PPP1R37: variants seen among roughly 807,000 people sequenced by gnomAD.
The protein encoded by PPP1R37 is leucine rich repeat containing 68.
Under a neutral mutation model 61.0 loss-of-function variants are expected in PPP1R37, and 21 were observed. The observed-to-expected ratio is 0.34, with a 90% CI of 0.24 to 0.50. The LOEUF (loss-of-function observed/expected upper bound fraction) is 0.50. PPP1R37 is among the 20% of genes least tolerant of loss of function. The probability of loss-of-function intolerance (pLI) is 0.98; values close to 1 mark genes in which losing one functional copy is unlikely to be tolerated. For synonymous variants in PPP1R37, 443 were observed against 433.5 expected (o/e 1.02, Z -0.27); for missense variants, 910 against 952.7 (o/e 0.96, Z 0.59).
In PPP1R37 at chr19:45,130,244, C is replaced by T. The variant is rs924649306; in HGVS notation, c.203-8270C>T. Among the ~76,000 whole-genome samples the T allele has an allele frequency of 2.8e-4, 42 of 152,152 alleles. No homozygotes were observed. The highest frequency in any genetic ancestry group is 5.6e-4 in the Non-Finnish European group (38 of 68,002). On this transcript the variant is annotated intron_variant, in intron 1 of 12. Transcript: ENST00000221462. This position sits in a 1 kb window ranked among gnomAD's most constrained non-coding sequence, Gnocchi z 4.4. ...CTGCCAACCTGCACGATCAGGTCCC[C>T]TCCCCGTGAGTACTACAGGGGACCC...
At chr19:45,120,420 G>A (rs766539504) in intron 1 of PPP1R37, among the ~76,000 whole-genome samples, 12 of 152,116 alleles carry the variant, frequency 7.9e-5, no homozygotes, top group South Asian at 4.1e-4. Flanking sequence ...CTAAGAGAGC[G>A]CACACTCATT....
chr19:45,128,945 G>A (rs1170263513), intron 1 of PPP1R37: 4 of 749,304 alleles, frequency 5.3e-6, no homozygotes, highest in Non-Finnish European at 9.4e-6. Flanking sequence ...ATGAGCAAAA[G>A]TACCGCTGTG....
rs541454593 is a variant in PPP1R37, at chr19:45,116,728, C to T, written c.203-21786C>T. 5.3e-5 allele frequency among the ~76,000 whole-genome samples: 8 copies of T among 152,280 alleles called. No homozygotes were observed. The East Asian group carries it at 1.5e-3, about 29-fold the overall frequency. On this transcript the variant is annotated intron_variant, in intron 1 of 12. Coordinates refer to ENST00000221462, the MANE Select transcript of PPP1R37 (RefSeq NM_019121.2). The stretch of plus-strand genomic sequence containing the variant: ...TCATTCATAGACTCACAGCGACAGA[C>T]ACCACAGTGACGTCCCTAGACTCAG...
chr19:45,101,580 T>C (rs1476376576), intron 1 of PPP1R37, among the ~76,000 whole-genome samples: 1 of 152,202 alleles, frequency 6.6e-6, no homozygotes, highest in Non-Finnish European at 1.5e-5. Flanking sequence ...CAGCCGGGCA[T>C]GGTGGCATGT....
At chr19:45,114,435 A>T (rs1226399336) in intron 1 of PPP1R37, among the ~76,000 whole-genome samples, 1 of 151,914 alleles carries the variant, frequency 6.6e-6, no homozygotes. Context: ...GAACAGGACC[A>T]CCCAGTCCAG....
chr19:45,144,524 C>G, intron 8 of PPP1R37: 1 of 341,404 alleles, frequency 2.9e-6, no homozygotes, highest in South Asian at 6.3e-5. Context: ...GTGCTCAAAC[C>G]CCGGGATAAG....
chr19:45,098,451 C>A (rs182361535), intron 1 of PPP1R37, among the ~76,000 whole-genome samples: 2 of 152,342 alleles, frequency 1.3e-5, no homozygotes, highest in African/African-American at 4.8e-5. Context: ...GGAGACTCAT[C>A]TCCCCTCCTC....
At position 45,121,536 on chromosome 19, in the gene PPP1R37, A is replaced by G. The variant is rs1968342313; in HGVS notation, c.203-16978A>G. On this transcript the variant is annotated intron_variant, in intron 1 of 12. Transcript: ENST00000221462. The surrounding 1 kb of genome is among the most constrained non-coding windows in gnomAD (Gnocchi z 4.2). ...TCCCCAAATACAGGAAGAAGGTTAG[A>G]GGCAGGAAGAGCCTTTTCTACCCAG... 6.6e-6 allele frequency among the ~76,000 whole-genome samples: 1 copy of G among 152,232 alleles called. No homozygotes were observed. The highest frequency in any genetic ancestry group is 6.5e-5 in the Admixed American group (1 of 15,290).
chr19:45,106,154 AG>A (rs1968127139), intron 1 of PPP1R37, among the ~76,000 whole-genome samples: 1 of 152,008 alleles, frequency 6.6e-6, no homozygotes, highest in African/African-American at 2.4e-5. Flanking sequence ...GTAACCAGAG[AG>A]GGGCGGCACT....
intron 1 of PPP1R37, among the ~76,000 whole-genome samples, chr19:45,133,019 A>G (rs1968497617): frequency 6.6e-6 from 1 of 152,194 alleles, no homozygotes; most frequent in Non-Finnish European, 1.5e-5. Context: ...TGCTTTGCTC[A>G]AGAGTTTGAG....
intron 1 of PPP1R37, among the ~76,000 whole-genome samples, chr19:45,103,614 C>T (rs545876020): frequency 6.6e-6 from 1 of 152,202 alleles, no homozygotes; most frequent in Non-Finnish European, 1.5e-5. Context: ...TCGCTTGGTT[C>T]CCCAGGACAA....
At position 45,145,260 on chromosome 19, in the gene PPP1R37, G is replaced by A. The variant is rs1280330101; in HGVS notation, c.1296G>A (p.Ala432=). The part of the protein sequence containing the change: ...LDLDREPKKE[A]VKSFIETQKA... ...TCGACCGTGAACCCAAGAAAGAGGC[G>A]GTGAGCAGGGGACGGTCCTGCAGCC... The change falls in exon 10 of 13, where the codon GCG becomes GCA. Residue 432 remains alanine, a splice_region_variant and synonymous_variant. Transcript: ENST00000221462. 6.5e-7 allele frequency: 1 copy of A among 1,530,838 alleles called. No individual in the cohort carries two copies. The highest frequency in any genetic ancestry group is 2.0e-5 in the Admixed American group (1 of 50,410). The allele number at this position is 1,530,838 out of a possible 1,614,324, so 94.8% of individuals were successfully genotyped here. A position where few individuals can be genotyped will look rare whatever the true frequency, so the allele number is the denominator to read the frequency against.
chr19:45,142,810 T>A, intron 7 of PPP1R37: 1 of 259,298 alleles, frequency 3.9e-6, no homozygotes, highest in South Asian at 5.5e-5. Flanking sequence ...TGCTTTCAGA[T>A]GGGAGAGGAG....
At chr19:45,123,425 G>T (rs2122733016) in intron 1 of PPP1R37, among the ~76,000 whole-genome samples, 1 of 152,348 alleles carries the variant, frequency 6.6e-6, no homozygotes, top group Non-Finnish European at 1.5e-5. Context: ...GAGAAAGACA[G>T]TCTCTCTGGC....
intron 1 of PPP1R37, among the ~76,000 whole-genome samples, chr19:45,106,903 G>A (rs1022172821): frequency 2.3e-5 from 3 of 127,850 alleles, no homozygotes; most frequent in Admixed American, 9.5e-5. Flanking sequence ...TGCACGCTCC[G>A]CCTCCCAGGT....
chr19:45,141,217 A>C, intron 4 of PPP1R37, 105 bp from the exon 5 acceptor site: 1 of 1,326,458 alleles, frequency 7.5e-7, no homozygotes. Context: ...GGCTCTCTCC[A>C]GACCCTGGAC....
intron 1 of PPP1R37, among the ~76,000 whole-genome samples, chr19:45,106,722 T>TTTAA (rs1968136085): frequency 6.6e-6 from 1 of 151,572 alleles, no homozygotes; most frequent in Non-Finnish European, 1.5e-5. Flanking sequence ...TTTTAATTGT[T>TTTAA]TTGTAGAGAT....
At position 45,137,507 on chromosome 19, in the gene PPP1R37, G is replaced by C. The variant is rs536518226; in HGVS notation, c.203-1007G>C. 7.5e-3 allele frequency among the ~76,000 whole-genome samples: 1,144 copies of C among 152,322 alleles called. 10 individuals carry two copies. Among genetic ancestry groups the C allele is most frequent in the Non-Finnish European group, 0.012 (805 of 68,022 alleles). On this transcript the variant is annotated intron_variant, in intron 1 of 12. Transcript: ENST00000221462. ...CAGGGACCGGGGCTGCAGCTGTTGGGTTTGGGCTACGTCCCTTCATTCATG... is the reference window on the plus strand; with the variant it reads ...CAGGGACCGGGGCTGCAGCTGTTGGCTTTGGGCTACGTCCCTTCATTCATG...
At chr19:45,111,775 G>A (rs993737675) in intron 1 of PPP1R37, among the ~76,000 whole-genome samples, 9 of 151,896 alleles carry the variant, frequency 5.9e-5, no homozygotes, top group Non-Finnish European at 1.3e-4. Context: ...TATTTTTTGC[G>A]GGGGGCGGGG....
Sources: allele counts gnomAD v4.1 joint callset (sites outside exome capture counted in the v4.1 genomes callset), GRCh38; gene constraint gnomAD v4.1.1; non-coding constraint Gnocchi (gnomAD v3.1); transcripts MANE v1.5; gene names NCBI Gene and HGNC (gene_info 2026-07-23, HGNC 2026-07-21).